The following SLC8A2 variants were observed in gnomAD, a reference collection of about 807,000 sequenced individuals.
The protein encoded by SLC8A2 is sodium/calcium exchanger 2.
SLC8A2 carries 14 observed loss-of-function variants against 70.2 expected under a neutral mutation model. The observed-to-expected ratio is 0.20, with a 90% confidence interval of 0.13 to 0.31. The LOEUF is 0.31. Ranked by LOEUF, SLC8A2 falls within the 10% of genes least tolerant of loss-of-function variation. The probability of loss-of-function intolerance (pLI) is 1.00; values close to 1 mark genes in which losing one functional copy is unlikely to be tolerated. For missense variants in SLC8A2, 779 were observed against 1,320.1 expected, an observed-to-expected ratio of 0.59 and a Z score of 6.35; for synonymous variants, 575 against 594.3, an observed-to-expected ratio of 0.97 and a Z score of 0.47.
chr19:47,447,991 G>A lies in SLC8A2; in HGVS notation c.1581C>T (p.Phe527=). 2 of 1,561,440 alleles carry A rather than the reference G, an allele frequency of 1.3e-6. No individual in the cohort carries two copies. The highest frequency in any genetic ancestry group is 1.7e-6 in the Non-Finnish European group (2 of 1,152,680). The stretch of plus-strand genomic sequence containing the variant: ...CGCTCACGTGCAGCAGGCGGTCCTG[G>A]AAGGAGAAGATGCCTGCGTGGTCGT... The part of the protein sequence containing the change: ...LDDDHAGIFS[F]QDRLLHVSEC... Residue 527 remains phenylalanine (F), a synonymous_variant, in exon 4 of 10, where the codon TTC becomes TTT. Transcript: ENST00000236877. This position sits in a 1 kb window ranked among gnomAD's most constrained non-coding sequence, Gnocchi z 5.1.
intron 3 of SLC8A2, among the ~76,000 whole-genome samples, chr19:47,449,038 C>A (rs967874174): frequency 2.6e-5 from 4 of 152,232 alleles, no homozygotes; most frequent in African/African-American, 9.6e-5. Context: ...ATTCATTCAA[C>A]AGATAACTGA....
chr19:47,470,051 G>C (rs549089883), intron 1 of SLC8A2, among the ~76,000 whole-genome samples: 1 of 152,182 alleles, frequency 6.6e-6, no homozygotes, highest in South Asian at 2.1e-4. Flanking sequence ...TTTTCTGACT[G>C]TGCCTGTGTT....
rs371439078 is a variant in SLC8A2, at chr19:47,437,587, G to A, written c.2011-26C>T. 3.5e-5 allele frequency: 54 copies of A among 1,546,522 alleles called. No individual in the cohort carries two copies. In the East Asian group the frequency reaches 7.2e-4, roughly 21 times the overall value. On this transcript the variant is annotated intron_variant, in intron 7 of 9. Coordinates refer to ENST00000236877, the MANE Select transcript of SLC8A2 (RefSeq NM_015063.3). ...CTGGGGATGAGAGGGTGGGGGAGAGGTCACTGCCCCTGAGCGAACCAGGGA... is the reference window on the plus strand; with the variant it reads ...CTGGGGATGAGAGGGTGGGGGAGAGATCACTGCCCCTGAGCGAACCAGGGA...
At chr19:47,451,406 T>C (rs1409467299) in intron 3 of SLC8A2, among the ~76,000 whole-genome samples, 1 of 152,172 alleles carries the variant, frequency 6.6e-6, no homozygotes, top group African/African-American at 2.4e-5. Flanking sequence ...CTTCCTGGGC[T>C]TAAGCAGCCC....
intron 3 of SLC8A2, among the ~76,000 whole-genome samples, chr19:47,451,893 C>A (rs189368426): frequency 6.6e-6 from 1 of 152,046 alleles, no homozygotes; most frequent in Non-Finnish European, 1.5e-5. Context: ...AGAAACTGAT[C>A]CAGACTGAAG....
intron 3 of SLC8A2, among the ~76,000 whole-genome samples, chr19:47,453,106 T>C (rs1374686761): frequency 3.3e-5 from 5 of 152,172 alleles, no homozygotes; most frequent in South Asian, 2.1e-4. Flanking sequence ...GTCAACATCA[T>C]AGGGGATTAA....
At chr19:47,463,995 G>A (rs1299523261) in intron 2 of SLC8A2, among the ~76,000 whole-genome samples, 2 of 152,318 alleles carry the variant, frequency 1.3e-5, no homozygotes, top group Admixed American at 1.3e-4. Context: ...CAAATCTCTG[G>A]CTTCAGGTGC....
chr19:47,431,239 G>A (rs1016929254), intron 9 of SLC8A2, among the ~76,000 whole-genome samples: 1 of 151,924 alleles, frequency 6.6e-6, no homozygotes, highest in Non-Finnish European at 1.5e-5. Context: ...ATGTTGCCCA[G>A]GCTGGTCTCA....
At chr19:47,461,484 G>A (rs2122649542) in intron 2 of SLC8A2, among the ~76,000 whole-genome samples, 1 of 152,324 alleles carries the variant, frequency 6.6e-6, no homozygotes, top group East Asian at 1.9e-4. Flanking sequence ...ACTCCAGCCT[G>A]GGGGACAGAG....
chr19:47,442,623 A>G (rs1206299627), intron 4 of SLC8A2, among the ~76,000 whole-genome samples: 2 of 152,062 alleles, frequency 1.3e-5, no homozygotes, highest in Non-Finnish European at 2.9e-5. Context: ...TAATAGTGAA[A>G]TCCCTCACTG....
At chr19:47,460,424 G>C (rs1282753981) in intron 2 of SLC8A2, among the ~76,000 whole-genome samples, 2 of 152,186 alleles carry the variant, frequency 1.3e-5, no homozygotes, top group Non-Finnish European at 1.5e-5. Flanking sequence ...CTGGCCAAGC[G>C]TGGTGGCTCA....
Position 47,465,915 on chromosome 19 carries a change from G to A in SLC8A2, c.489C>T (p.Gly163=), listed in dbSNP as rs745548200. The A allele has an allele frequency of 6.2e-7, 1 of 1,614,116 alleles. No homozygotes were observed. Among genetic ancestry groups the A allele is most frequent in the East Asian group, 2.2e-5 (1 of 44,870 alleles). The change falls in exon 2 of 10, where the codon GGC becomes GGT. Residue 163 remains glycine, a synonymous_variant. Transcript: ENST00000236877. This position sits in a 1 kb window ranked among gnomAD's most constrained non-coding sequence, Gnocchi z 5.5. The part of the protein sequence containing the change: ...HNFQAGELGP[G]TIVGSAAFNM... ...TGAAGGCAGCGCTGCCCACGATGGT[G>A]CCTGGGCCCAGCTCACCCGCCTGGA...
intron 8 of SLC8A2, 86 bp downstream of exon 8, chr19:47,437,376 G>T (rs188440697): frequency 5.0e-6 from 5 of 1,000,810 alleles, no homozygotes; most frequent in Admixed American, 3.6e-5. Context: ...TTATCTTTGT[G>T]CCTGTCTCTC....
chr19:47,451,906 G>C (rs1272403109), intron 3 of SLC8A2, among the ~76,000 whole-genome samples: 1 of 152,148 alleles, frequency 6.6e-6, no homozygotes, highest in Admixed American at 6.5e-5. Flanking sequence ...GACTGAAGGA[G>C]ACTAAAGAGA....
intron 9 of SLC8A2, among the ~76,000 whole-genome samples, chr19:47,431,526 G>C (rs1216086867): frequency 6.6e-6 from 1 of 151,912 alleles, no homozygotes; most frequent in Non-Finnish European, 1.5e-5. Context: ...GCGCACGCCT[G>C]TAGTCTCAGC....
At chr19:47,445,113 G>A (rs1294857924) in intron 4 of SLC8A2, among the ~76,000 whole-genome samples, 3 of 149,614 alleles carry the variant, frequency 2.0e-5, no homozygotes, top group Non-Finnish European at 4.5e-5. Context: ...TTTTTCGGGG[G>A]TGGGGTGGGT....
rs1347262160 is a variant in SLC8A2 at position 47,430,712 on chromosome 19, G to T, written c.2390-247C>A. On this transcript the variant is annotated intron_variant, in intron 9 of 9. Transcript: ENST00000236877. The surrounding 1 kb of genome is among the most constrained non-coding windows in gnomAD (Gnocchi z 5.9). Reference sequence around the variant, plus strand: ...TCTGTGGGATTCATTCTCTTCTATGGGACTCACTGCGTGATTTCTTTTTTT... The same window carrying T: ...TCTGTGGGATTCATTCTCTTCTATGTGACTCACTGCGTGATTTCTTTTTTT... Among the ~76,000 whole-genome samples, 1 of 152,172 alleles carries T rather than the reference G, an allele frequency of 6.6e-6. No individual in the cohort carries two copies. Among genetic ancestry groups the T allele is most frequent in the Non-Finnish European group, 1.5e-5 (1 of 68,024 alleles).
At chr19:47,439,578 A>G (rs1233520600) in intron 6 of SLC8A2, among the ~76,000 whole-genome samples, 1 of 140,916 alleles carries the variant, frequency 7.1e-6, no homozygotes, top group African/African-American at 3.0e-5. Flanking sequence ...CCTGAGCAAG[A>G]AATAACTTTT....
intron 3 of SLC8A2, among the ~76,000 whole-genome samples, chr19:47,454,492 C>G (rs12976215): frequency 0.4 from 60,288 of 151,992 alleles, 14,659 homozygotes; most frequent in East Asian, 0.53. Flanking sequence ...GTGTCTCACT[C>G]TGTCACTCAG....
Sources: gnomAD v4.1 joint callset for allele counts (sites outside exome capture counted in the v4.1 genomes callset) on GRCh38, gnomAD v4.1.1 for gene constraint, Gnocchi (gnomAD v3.1) non-coding constraint, MANE v1.5 for transcripts, NCBI Gene and HGNC (gene_info 2026-07-23, HGNC 2026-07-21) for gene names.